Variants in FER1L5 observed in about 807,000 individuals in gnomAD.
FER1L5 encodes the protein fer-1 like family member 5.
A neutral mutation model predicts 279.9 loss-of-function variants in FER1L5; 187 were observed. The ratio of observed to expected loss-of-function variants is 0.67; its 90% CI spans 0.59 to 0.75. FER1L5 has a LOEUF of 0.75. FER1L5 is among the 30% of genes least tolerant of loss of function. FER1L5 has a pLI of 0.00. For missense variants in FER1L5, 2,091 were observed against 2,594.4 expected, an observed-to-expected ratio of 0.81 and a Z score of 4.21; for synonymous variants, 921 against 989.7, an observed-to-expected ratio of 0.93 and a Z score of 1.30.
At position 96,653,859 on chromosome 2, in the gene FER1L5, T is replaced by G; in HGVS notation, c.696+157T>G. On this transcript the variant is annotated intron_variant, in intron 8 of 52. Transcript: ENST00000624922. ...CTTCACCCCCTGGCACCCAGATTAT[T>G]CATTCATTTACTCATTTATTCAACA... is the stretch of plus-strand genomic sequence containing the variant. 1.1e-5 allele frequency: 7 copies of G among 615,260 alleles called. No homozygotes were observed. The South Asian group carries it at 1.4e-4, about 12-fold the overall frequency. The allele number at this position is 615,260 out of a possible 1,614,324, so 38.1% of individuals were successfully genotyped here. A position where few individuals can be genotyped will look rare whatever the true frequency, so the allele number is the denominator to read the frequency against.
intron 4 of FER1L5, 34 bp from the exon 5 acceptor site, chr2:96,649,589 T>C: frequency 6.5e-7 from 1 of 1,549,524 alleles, no homozygotes; most frequent in East Asian, 2.4e-5. Flanking sequence ...GATGGCAGGG[T>C]CTGGCTTACA....
In FER1L5 at chr2:96,684,444, A is replaced by G; in HGVS notation, c.1787A>G (p.Asp596Gly). 6 of 1,551,370 alleles carry G rather than the reference A, an allele frequency of 3.9e-6. No individual in the cohort carries two copies. Among genetic ancestry groups the G allele is most frequent in the Non-Finnish European group, 5.2e-6 (6 of 1,146,872 alleles). ...CTCAACCTCCTCCACTTCACTCGGG[A>G]CCGCCTGGTGAGTGGTGCGGGAGCC... Reference protein sequence around the residue: ...NCLNLLHFTRDRLKANLDTLK... With the variant: ...NCLNLLHFTRGRLKANLDTLK... Residue 596 changes from aspartate (D) to glycine (G), a missense_variant, in exon 20 of 53, where the codon GAC (aspartate) becomes GGC (glycine). Physicochemically the swap from Asp to Gly is moderately conservative, Grantham distance 94. Coordinates refer to ENST00000624922, the MANE Select transcript of FER1L5 (RefSeq NM_001293083.2).
intron 9 of FER1L5, among the ~76,000 whole-genome samples, chr2:96,659,453 C>CTTTCTTTCTTTCTTTCTTTCTTTCT (rs2075834950): frequency 3.6e-5 from 1 of 27,450 alleles, no homozygotes; most frequent in Non-Finnish European, 5.9e-5. Flanking sequence ...TTCTTTCTTT[C>CTTTCTTTCTTTCTTTCTTTCTTTCT]TTTCTTTCTT....
chr2:96,700,215 C>A, intron 44 of FER1L5, 117 bp from the exon 45 acceptor site: 1 of 1,557,570 alleles, frequency 6.4e-7, no homozygotes, highest in Non-Finnish European at 8.7e-7. Context: ...CAAAGAGCAG[C>A]CCATCCCTTT....
intron 1 of FER1L5, 127 bp downstream of exon 1, chr2:96,643,048 C>T: frequency 1.4e-6 from 1 of 731,636 alleles, no homozygotes; most frequent in Non-Finnish European, 2.1e-6. Flanking sequence ...GTGAAGTAGA[C>T]GTTGTCCAGC....
intron 3 of FER1L5, 143 bp from the exon 4 acceptor site, chr2:96,647,635 C>A (rs554110610): frequency 4.7e-6 from 3 of 634,192 alleles, no homozygotes; most frequent in Non-Finnish European, 8.3e-6. Context: ...GGATACCCAG[C>A]CCCACTGCAT....
rs2075950781 is a variant in FER1L5, at chr2:96,661,448, G to A, written c.894+8G>A. 1 of 1,550,750 alleles carries A rather than the reference G, an allele frequency of 6.4e-7. No homozygotes were observed. The highest frequency in any genetic ancestry group is 8.7e-7 in the Non-Finnish European group (1 of 1,146,454). On this transcript the variant is annotated splice_region_variant and intron_variant, in intron 11 of 52. Coordinates refer to ENST00000624922, the MANE Select transcript of FER1L5 (RefSeq NM_001293083.2). ...GTGGGAGACCAGGCCCTGGTGAGCTGCCCCTAACCCCGGAAACTTTCCTAT... is the reference window on the plus strand; with the variant it reads ...GTGGGAGACCAGGCCCTGGTGAGCTACCCCTAACCCCGGAAACTTTCCTAT...
intron 42 of FER1L5, 55 bp from the exon 43 acceptor site, chr2:96,699,495 G>A (rs1276267550): frequency 6.4e-7 from 1 of 1,560,516 alleles, no homozygotes; most frequent in Non-Finnish European, 8.7e-7. Context: ...GGTGAGGGAG[G>A]GGGGCACAGA....
At position 96,702,376 on chromosome 2, in the gene FER1L5, A is replaced by C. The variant is rs1481568847; in HGVS notation, c.5230A>C (p.Lys1744Gln). The C allele has an allele frequency of 1.9e-6, 3 of 1,612,656 alleles. No individual in the cohort carries two copies. The African/African-American group carries it at 4.0e-5, about 22-fold the overall frequency. Residue 1744 changes from lysine to glutamine, a missense_variant, in exon 47 of 53, where the codon AAG becomes CAG. Transcript: ENST00000624922. This position sits in a 1 kb window ranked among gnomAD's most constrained non-coding sequence, Gnocchi z 4.0. ...DLVDDNLSRE[K>Q]TSDIYIKGWL... ...GGTGGATGACAATTTAAGTAGAGAG[A>C]AGACGAGCGACATCTACATCAAAGG...
rs573629348 is a variant in FER1L5, at chr2:96,660,324, C to A, written c.748-17C>A. 3 of 1,551,654 alleles carry A rather than the reference C, an allele frequency of 1.9e-6. No individual in the cohort carries two copies. The highest frequency in any genetic ancestry group is 2.6e-6 in the Non-Finnish European group (3 of 1,146,956). On this transcript the variant is annotated splice_polypyrimidine_tract_variant and intron_variant, in intron 9 of 52. Transcript: ENST00000624922. ...TGCAGGCCCTAACTAATCCTCACCC[C>A]ACTGTTGTCTTTTCAGACAGATATT...
chr2:96,691,443 A>G lies in FER1L5; in HGVS notation c.2908-2A>G, dbSNP rs1339134577. The G allele has an allele frequency of 6.5e-7, 1 of 1,537,124 alleles. No individual in the cohort carries two copies. Among genetic ancestry groups the G allele is most frequent in the African/African-American group, 1.4e-5 (1 of 72,638 alleles). ...ACAACCCTGCTCTCCTCCCCACCAC[A>G]GGGCCTGGCCAAGGGCGAGGAGGAG... On this transcript the variant is annotated splice_acceptor_variant, in intron 28 of 52. Coordinates refer to ENST00000624922, the MANE Select transcript of FER1L5 (RefSeq NM_001293083.2). LOFTEE classifies it high-confidence loss of function. The surrounding 1 kb of genome is among the most constrained non-coding windows in gnomAD (Gnocchi z 6.0).
rs2106563735 is a variant in FER1L5 at position 96,669,050 on chromosome 2, C to T, written c.1275C>T (p.Tyr425=). Residue 425 remains tyrosine, a synonymous_variant, in exon 17 of 53, where the codon TAC becomes TAT. Transcript: ENST00000624922. ...CACTCTCTCTCCTTCCAGGAGTGTA[C>T]TCCGGCTTCCTGCCCTGCTTTGGCC... ...SSTGEEIEGV[Y]SGFLPCFGPS... 1 of 1,551,714 alleles carries T rather than the reference C, an allele frequency of 6.4e-7. No individual in the cohort carries two copies. The highest frequency in any genetic ancestry group is 8.7e-7 in the Non-Finnish European group (1 of 1,146,984).
At chr2:96,684,041 T>C (rs2076831420) in intron 19 of FER1L5, among the ~76,000 whole-genome samples, 1 of 152,180 alleles carries the variant, frequency 6.6e-6, no homozygotes, top group South Asian at 2.1e-4. Context: ...CGCCTGGCTA[T>C]GCCACCTCAG....
Position 96,655,346 on chromosome 2 carries a change from G to A in FER1L5, c.747+850G>A, listed in dbSNP as rs144826305. Among the ~76,000 whole-genome samples, 30 of 152,280 alleles carry A rather than the reference G, an allele frequency of 2.0e-4. No individual in the cohort carries two copies. In the East Asian group the frequency reaches 5.6e-3, roughly 28 times the overall value. ...AAGGTAGGTTGCTAGGTTAAATACA[G>A]GATGCCTGGTTACATTTAATCTTAG... On this transcript the variant is annotated intron_variant, in intron 9 of 52. Transcript: ENST00000624922.
At position 96,691,538 on chromosome 2, in the gene FER1L5, C is replaced by A; in HGVS notation, c.3001C>A (p.Arg1001Ser). 6.5e-7 allele frequency: 1 copy of A among 1,550,034 alleles called. No individual in the cohort carries two copies. Among genetic ancestry groups the A allele is most frequent in the Non-Finnish European group, 8.7e-7 (1 of 1,146,478 alleles). ...TCAGCCCCAGAGCCGGTTCCGCCGC[C>A]GCTGCTGGCGCCGCAGGCTGGCCCC... ...NPQPQSRFRR[R>S]CWRRRLAPNK... The change falls in exon 29 of 53, where the codon CGC (arginine) becomes AGC (serine). Residue 1001 changes from arginine to serine, a missense_variant. Arg to Ser is a moderately radical substitution (Grantham distance 110). Transcript: ENST00000624922. This position sits in a 1 kb window ranked among gnomAD's most constrained non-coding sequence, Gnocchi z 6.0.
At chr2:96,668,689 T>A in intron 14 of FER1L5, 62 bp from the exon 15 acceptor site, 1 of 1,543,584 alleles carries the variant, frequency 6.5e-7, no homozygotes, top group Non-Finnish European at 8.8e-7. Flanking sequence ...GTTCTTAAAA[T>A]CTCCACGAGG....
chr2:96,703,234 A>C lies in FER1L5; in HGVS notation c.5579A>C (p.Asp1860Ala). The part of the protein sequence containing the change: ...KQCSIRMMDA[D>A]PKWPYFIQYK... ...TGCTCCATCAGGATGATGGACGCCG[A>C]CCCCAAGTGGCCCTATTTCATCCAA... The change falls in exon 50 of 53, where the codon GAC (aspartate) becomes GCC (alanine). Residue 1860 changes from aspartate to alanine, a missense_variant. Coordinates refer to ENST00000624922, the MANE Select transcript of FER1L5 (RefSeq NM_001293083.2). 6.2e-7 allele frequency: 1 copy of C among 1,613,736 alleles called. No individual in the cohort carries two copies.
intron 30 of FER1L5, 46 bp downstream of exon 30, chr2:96,692,009 T>C (rs1458578811): frequency 4.1e-6 from 2 of 491,506 alleles, no homozygotes; most frequent in Non-Finnish European, 7.3e-6. Flanking sequence ...CAGAGGCCAG[T>C]ACCCGAGGGC....
At chr2:96,668,706 C>G (rs922425857) in intron 14 of FER1L5, 45 bp from the exon 15 acceptor site, 24 of 1,549,938 alleles carry the variant, frequency 1.5e-5, no homozygotes, top group Admixed American at 2.0e-5. Context: ...GAGGGCCAGA[C>G]CATCCCAATG....
Sources: gnomAD v4.1 joint callset for allele counts (sites outside exome capture counted in the v4.1 genomes callset) on GRCh38, gnomAD v4.1.1 for gene constraint, Gnocchi (gnomAD v3.1) non-coding constraint, MANE v1.5 for transcripts, NCBI Gene and HGNC (gene_info 2026-07-23, HGNC 2026-07-21) for gene names.